The following GPC5 variants were observed in gnomAD, a reference collection of about 807,000 sequenced individuals.
GPC5 encodes glypican-5.
A neutral mutation model predicts 53.9 loss-of-function variants in GPC5; 47 were observed. The ratio of observed to expected loss-of-function variants is 0.87; its 90% CI spans 0.69 to 1.11. The LOEUF is 1.11. Among genes scored for constraint, GPC5 ranks in the 50% most tolerant of loss-of-function variants. The pLI, the probability that GPC5 is intolerant of heterozygous loss-of-function variation, is 0.00. For missense variants in GPC5, 748 were observed against 713.1 expected, an observed-to-expected ratio of 1.05 and a Z score of -0.56; for synonymous variants, 286 against 263.3, an observed-to-expected ratio of 1.09 and a Z score of -0.84.
intron 6 of GPC5, among the ~76,000 whole-genome samples, chr13:91,926,615 G>A (rs559637127): frequency 8.5e-5 from 13 of 152,180 alleles, no homozygotes; most frequent in South Asian, 2.1e-4. Flanking sequence ...AAAACATGCC[G>A]GCTTCTGTTG....
chr13:92,188,229 C>A (rs1566476050), intron 7 of GPC5, among the ~76,000 whole-genome samples: 1 of 152,152 alleles, frequency 6.6e-6, no homozygotes, highest in Non-Finnish European at 1.5e-5. Context: ...GCCTTCCATG[C>A]AGTTCCAAAT....
chr13:92,558,676 C>T (rs539779916), intron 7 of GPC5, among the ~76,000 whole-genome samples: 3 of 152,042 alleles, frequency 2.0e-5, no homozygotes, highest in African/African-American at 4.8e-5. Flanking sequence ...TTCTTCTGTA[C>T]ACTTCCTAAG....
intron 7 of GPC5, among the ~76,000 whole-genome samples, chr13:92,632,786 G>A (rs751503653): frequency 2.4e-4 from 36 of 152,222 alleles, no homozygotes; most frequent in Non-Finnish European, 4.1e-4. Flanking sequence ...GGCTAGGGAG[G>A]CCTTACAATC....
intron 7 of GPC5, among the ~76,000 whole-genome samples, chr13:92,460,825 C>G (rs78590777): frequency 0.14 from 20,589 of 152,008 alleles, 1,526 homozygotes; most frequent in South Asian, 0.2. Context: ...TGTGCTAGAG[C>G]TAGGTATATA....
chr13:91,994,458 A>C (rs1430200754), intron 6 of GPC5: 1 of 152,182 alleles, frequency 6.6e-6, no homozygotes, highest in Non-Finnish European at 1.5e-5. Context: ...TTAGGTACTG[A>C]GATACAACAA....
At chr13:92,227,978 C>T (rs1340464685) in intron 7 of GPC5, among the ~76,000 whole-genome samples, 2 of 151,728 alleles carry the variant, frequency 1.3e-5, no homozygotes, top group African/African-American at 4.8e-5. Flanking sequence ...ATAAACTAAG[C>T]TAGAGAAAAT....
chr13:92,289,745 A>C (rs1004338996), intron 7 of GPC5, among the ~76,000 whole-genome samples: 11 of 152,012 alleles, frequency 7.2e-5, no homozygotes, highest in African/African-American at 2.7e-4. Flanking sequence ...ATATGCTGAT[A>C]TCAAAGTATC....
chr13:91,832,635 A>G (rs2038675263), intron 5 of GPC5, among the ~76,000 whole-genome samples: 1 of 151,982 alleles, frequency 6.6e-6, no homozygotes, highest in Admixed American at 6.6e-5. Flanking sequence ...TCCTCTCCTG[A>G]ACGACTACTG....
chr13:92,211,864 C>G (rs934288604), intron 7 of GPC5, among the ~76,000 whole-genome samples: 3 of 152,156 alleles, frequency 2.0e-5, no homozygotes, highest in Non-Finnish European at 4.4e-5. Flanking sequence ...GAATCAGGAA[C>G]TAAATTATCC....
At chr13:92,734,771 G>A (rs575701322) in intron 7 of GPC5, among the ~76,000 whole-genome samples, 2 of 151,922 alleles carry the variant, frequency 1.3e-5, no homozygotes, top group East Asian at 1.9e-4. Flanking sequence ...TTTAGTTTAG[G>A]TGCCTTTCTT....
At chr13:91,689,230 T>TATACAC (rs1232356030) in intron 2 of GPC5, among the ~76,000 whole-genome samples, 1 of 81,066 alleles carries the variant, frequency 1.2e-5, no homozygotes, top group African/African-American at 5.4e-5. Context: ...TATATATATA[T>TATACAC]ACACATATAA....
intron 7 of GPC5, among the ~76,000 whole-genome samples, chr13:92,747,835 A>G (rs1889276805): frequency 6.6e-6 from 1 of 152,228 alleles, no homozygotes; most frequent in Non-Finnish European, 1.5e-5. Flanking sequence ...CATACTTAAG[A>G]GGTTATAAGC....
intron 7 of GPC5, among the ~76,000 whole-genome samples, chr13:92,619,948 G>GTA (rs1245811456): frequency 6.6e-5 from 10 of 152,098 alleles, no homozygotes; most frequent in East Asian, 3.9e-4. Flanking sequence ...TCAGAGGACA[G>GTA]TATATAATGC....
chr13:92,296,515 G>A (rs1231611874), intron 7 of GPC5, among the ~76,000 whole-genome samples: 2 of 152,166 alleles, frequency 1.3e-5, no homozygotes, highest in African/African-American at 2.4e-5. Flanking sequence ...AGCCCTCAGA[G>A]CCCTCGCTTG....
intron 2 of GPC5, among the ~76,000 whole-genome samples, chr13:91,565,092 C>A: frequency 6.6e-6 from 1 of 151,792 alleles, no homozygotes; most frequent in Middle Eastern, 3.2e-3. Flanking sequence ...TGGGTTCAAG[C>A]AATTCTCCTG....
intron 7 of GPC5, among the ~76,000 whole-genome samples, chr13:92,612,234 T>C (rs1444822944): frequency 6.6e-6 from 1 of 152,128 alleles, no homozygotes; most frequent in African/African-American, 2.4e-5. Flanking sequence ...TTTCAATATT[T>C]ATTGAAAACT....
intron 2 of GPC5, among the ~76,000 whole-genome samples, chr13:91,590,965 C>T (rs898820591): frequency 2.0e-5 from 3 of 152,144 alleles, no homozygotes; most frequent in Admixed American, 6.5e-5. Flanking sequence ...TTCCTAGTTA[C>T]GTGACTGTGC....
intron 5 of GPC5, among the ~76,000 whole-genome samples, chr13:91,850,640 A>C (rs1204078051): frequency 6.6e-6 from 1 of 152,120 alleles, no homozygotes; most frequent in Non-Finnish European, 1.5e-5. Flanking sequence ...TATTTTATAG[A>C]ATTAGGTCCT....
In GPC5 at chr13:92,532,445, G is replaced by A. The variant is rs114460586; in HGVS notation, c.1562-333837G>A. Among the ~76,000 whole-genome samples, 1,258 of 152,284 alleles carry A rather than the reference G, an allele frequency of 8.3e-3. 19 individuals carry two copies. Among genetic ancestry groups the A allele is most frequent in the African/African-American group, 0.028 (1,181 of 41,570 alleles). ...ATTTCAATGAAAGACAAAAGATGAT[G>A]TAAGTGGCTTATAATTTATGGAACA... On this transcript the variant is annotated intron_variant, in intron 7 of 7. Coordinates refer to ENST00000377067, the MANE Select transcript of GPC5 (RefSeq NM_004466.6).
Sources: gnomAD v4.1 joint callset for allele counts (sites outside exome capture counted in the v4.1 genomes callset) on GRCh38, gnomAD v4.1.1 for gene constraint, MANE v1.5 for transcripts, NCBI Gene and HGNC (gene_info 2026-07-23, HGNC 2026-07-21) for gene names.